CHN2: variants seen among roughly 807,000 people sequenced by gnomAD.
CHN2 encodes chimerin 2, also known as beta-chimaerin.
Under a neutral mutation model 56.3 loss-of-function variants are expected in CHN2, and 35 were observed. That is an observed-to-expected ratio of 0.62 (90% confidence interval 0.47 to 0.82). The LOEUF (loss-of-function observed/expected upper bound fraction) is 0.82, where lower values mean the gene tolerates loss of function less well. CHN2 is among the 40% of genes least tolerant of loss of function. The pLI, the probability that CHN2 is intolerant of heterozygous loss-of-function variation, is 0.00. For synonymous variants in CHN2, 210 were observed against 212.8 expected (o/e 0.99, Z 0.12); for missense variants, 491 against 580.5 (o/e 0.85, Z 1.58).
intron 1 of CHN2, among the ~76,000 whole-genome samples, chr7:29,245,812 C>T (rs566063270): frequency 1.1e-4 from 16 of 152,286 alleles, no homozygotes; most frequent in Admixed American, 2.0e-4. Flanking sequence ...TTACTCCGCT[C>T]TTCAGGCCAC....
intron 2 of CHN2, among the ~76,000 whole-genome samples, chr7:29,171,184 A>G (rs1334509265): frequency 2.0e-5 from 3 of 152,200 alleles, no homozygotes; most frequent in Non-Finnish European, 4.4e-5. Flanking sequence ...CATTGCTTAC[A>G]TACGCACTGC....
rs113461157 is a variant in CHN2, at chr7:29,502,219, G to C, written c.913+2179G>C. 2.0e-3 allele frequency among the ~76,000 whole-genome samples: 301 copies of C among 152,172 alleles called. 3 individuals are homozygous for C. Among genetic ancestry groups the C allele is most frequent in the African/African-American group, 6.7e-3 (280 of 41,506 alleles). On this transcript the variant is annotated intron_variant, in intron 9 of 12. Transcript: ENST00000222792. ...TGACAAGATAGAAATCTATTTCTTT[G>C]CCCAGTAATAGTCCAGGTACCCAGG...
At chr7:29,352,514 G>A (rs1027829720) in intron 1 of CHN2, among the ~76,000 whole-genome samples, 5 of 152,126 alleles carry the variant, frequency 3.3e-5, no homozygotes, top group Admixed American at 3.3e-4. Context: ...TTGAGGTCAG[G>A]AATTCAAGAC....
intron 1 of CHN2, among the ~76,000 whole-genome samples, chr7:29,329,062 C>T (rs1036256905): frequency 3.3e-5 from 5 of 152,264 alleles, no homozygotes; most frequent in East Asian, 1.9e-4. Flanking sequence ...AGTTTCACAA[C>T]TGTCTGGGGT....
chr7:29,383,059 A>G (rs1800640939), intron 3 of CHN2, among the ~76,000 whole-genome samples: 1 of 152,172 alleles, frequency 6.6e-6, no homozygotes, highest in Non-Finnish European at 1.5e-5. Context: ...CATCCAGTAA[A>G]TACGTATTGA....
At chr7:29,416,977 T>G (rs1803816099) in intron 6 of CHN2, among the ~76,000 whole-genome samples, 1 of 152,194 alleles carries the variant, frequency 6.6e-6, no homozygotes, top group South Asian at 2.1e-4. Context: ...GAGCGTGGGC[T>G]TCAGGGCCAG....
chr7:29,457,722 G>A (rs1031111300), intron 6 of CHN2, among the ~76,000 whole-genome samples: 4 of 152,170 alleles, frequency 2.6e-5, no homozygotes, highest in African/African-American at 7.2e-5. Context: ...AGGAGAAACC[G>A]AGTGTTGAAA....
intron 1 of CHN2, among the ~76,000 whole-genome samples, chr7:29,258,338 A>C (rs988932841): frequency 6.6e-6 from 1 of 152,194 alleles, no homozygotes; most frequent in Admixed American, 6.5e-5. Context: ...TTCTACAATC[A>C]GGCCTCAAAC....
chr7:29,314,428 T>G (rs1170657984), intron 1 of CHN2, among the ~76,000 whole-genome samples: 1 of 152,208 alleles, frequency 6.6e-6, no homozygotes, highest in Non-Finnish European at 1.5e-5. Flanking sequence ...TGTTGCAGTT[T>G]TGCAGGATGA....
chr7:29,393,783 A>G, intron 4 of CHN2, 73 bp downstream of exon 4: 2 of 529,516 alleles, frequency 3.8e-6, no homozygotes, highest in Non-Finnish European at 5.9e-6. Flanking sequence ...AATATTACAA[A>G]TTTTCTAATA....
At chr7:29,205,365 G>A (rs569566358) in intron 1 of CHN2, among the ~76,000 whole-genome samples, 1 of 152,260 alleles carries the variant, frequency 6.6e-6, no homozygotes, top group East Asian at 1.9e-4. Flanking sequence ...CTAGGAAGCT[G>A]GGGATCTGGT....
chr7:29,315,115 A>G (rs1306835964), intron 1 of CHN2, among the ~76,000 whole-genome samples: 1 of 152,192 alleles, frequency 6.6e-6, no homozygotes, highest in Non-Finnish European at 1.5e-5. Context: ...CTGGGAAACA[A>G]AGCGATGTAT....
chr7:29,212,458 C>G (rs1362642538), intron 1 of CHN2: 2 of 1,598,152 alleles, frequency 1.3e-6, no homozygotes, highest in African/African-American at 1.3e-5. Flanking sequence ...ACTGTCTCTC[C>G]TCTTCTTCCT....
intron 6 of CHN2, among the ~76,000 whole-genome samples, chr7:29,431,979 C>T (rs1475173605): frequency 1.3e-5 from 2 of 152,252 alleles, no homozygotes; most frequent in Non-Finnish European, 2.9e-5. Flanking sequence ...TGGGATCTCA[C>T]CCTAAGATGG....
intron 6 of CHN2, among the ~76,000 whole-genome samples, chr7:29,470,823 T>C (rs1434399238): frequency 1.3e-5 from 2 of 152,190 alleles, no homozygotes; most frequent in African/African-American, 4.8e-5. Flanking sequence ...AAGCTAGAAA[T>C]TGAGTGTCTT....
intron 1 of CHN2, among the ~76,000 whole-genome samples, chr7:29,221,861 T>C (rs1220195918): frequency 6.6e-6 from 1 of 152,220 alleles, no homozygotes; most frequent in Non-Finnish European, 1.5e-5. Context: ...CAGTCTATCA[T>C]TGATGGGCAT....
At chr7:29,259,152 A>T (rs1789330060) in intron 1 of CHN2, among the ~76,000 whole-genome samples, 1 of 152,170 alleles carries the variant, frequency 6.6e-6, no homozygotes, top group Non-Finnish European at 1.5e-5. Flanking sequence ...ACATGGTGAA[A>T]CTGCAACTCT....
intron 2 of CHN2, among the ~76,000 whole-genome samples, chr7:29,164,533 C>A (rs1000224940): frequency 6.6e-6 from 1 of 151,902 alleles, no homozygotes; most frequent in Non-Finnish European, 1.5e-5. Flanking sequence ...ACCTATAATT[C>A]CAGCACTTCG....
At chr7:29,246,010 G>A (rs1788048481) in intron 1 of CHN2, among the ~76,000 whole-genome samples, 1 of 152,198 alleles carries the variant, frequency 6.6e-6, no homozygotes, top group Admixed American at 6.5e-5. Context: ...GGCTCTAAGG[G>A]TGAGGTAAGG....
Sources: gnomAD v4.1 joint callset for allele counts (sites outside exome capture counted in the v4.1 genomes callset) on GRCh38, gnomAD v4.1.1 for gene constraint, MANE v1.5 for transcripts, NCBI Gene and HGNC (gene_info 2026-07-23, HGNC 2026-07-21) for gene names.